Variants in KCNG4 observed in about 807,000 individuals in gnomAD.
The protein encoded by KCNG4 is potassium voltage-gated channel modifier subfamily G member 4.
KCNG4 carries 30 observed loss-of-function variants against 28.2 expected under a neutral mutation model. The ratio of observed to expected loss-of-function variants is 1.06; its 90% CI spans 0.80 to 1.44. The LOEUF is 1.44. Among genes scored for constraint, KCNG4 ranks in the 40% most tolerant of loss-of-function variants. The pLI is 0.00. For synonymous variants in KCNG4, 375 were observed against 315.5 expected (o/e 1.19, Z -2.00); for missense variants, 879 against 712.3 (o/e 1.23, Z -2.66).
chr16:84,235,104 C>A (rs1904916750), intron 2 of KCNG4, among the ~76,000 whole-genome samples: 1 of 152,198 alleles, frequency 6.6e-6, no homozygotes, highest in African/African-American at 2.4e-5. Context: ...TCTGCGGGCC[C>A]ACCTCTCCCC....
intron 2 of KCNG4, among the ~76,000 whole-genome samples, chr16:84,230,271 G>C (rs244803): frequency 6.6e-6 from 1 of 152,086 alleles, no homozygotes; most frequent in Non-Finnish European, 1.5e-5. Context: ...TGGGCATGGT[G>C]GTGGGCGCCT....
chr16:84,238,989 C>G (rs1369172319), intron 1 of KCNG4, among the ~76,000 whole-genome samples: 2 of 152,198 alleles, frequency 1.3e-5, no homozygotes, highest in East Asian at 3.8e-4. Context: ...TTTAAAAAGT[C>G]CTTTTCATAA....
intron 2 of KCNG4, among the ~76,000 whole-genome samples, chr16:84,234,659 A>T (rs966890592): frequency 5.3e-5 from 8 of 152,174 alleles, no homozygotes; most frequent in African/African-American, 1.4e-4. Context: ...TCCCCCACCC[A>T]TCGTGACATT....
At chr16:84,230,616 T>C (rs988011301) in intron 2 of KCNG4, among the ~76,000 whole-genome samples, 2 of 152,098 alleles carry the variant, frequency 1.3e-5, no homozygotes, top group African/African-American at 4.8e-5. Flanking sequence ...TTCCTTCCCC[T>C]GCCCTCCACC....
chr16:84,221,980 G>A lies in KCNG4; in HGVS notation c.*237C>T. 2 of 560,220 alleles carry A rather than the reference G, an allele frequency of 3.6e-6. No homozygotes were observed. The highest frequency in any genetic ancestry group is 3.2e-6 in the Non-Finnish European group (1 of 314,314). 34.7% of individuals were successfully genotyped at this position (560,220 alleles called of 1,614,324 possible). ...ACTCCAGCAAGATTGGACATGCTCAGTAGATGGGCAGAGAGAGGAAAAGGC... is the reference window on the plus strand; with the variant it reads ...ACTCCAGCAAGATTGGACATGCTCAATAGATGGGCAGAGAGAGGAAAAGGC... On this transcript the variant is annotated 3_prime_UTR_variant, in exon 3 of 3. Transcript: ENST00000308251.
intron 1 of KCNG4, 144 bp downstream of exon 1, chr16:84,239,526 C>G (rs944680337): frequency 3.3e-5 from 5 of 152,248 alleles, no homozygotes; most frequent in African/African-American, 1.2e-4. Flanking sequence ...CTCCAAACAG[C>G]TGGCAAACAG....
At position 84,220,138 on chromosome 16, in the gene KCNG4, T is replaced by A. The variant is rs562704707; in HGVS notation, c.*2079A>T. ...ACACTTCTATGGCTACTGTCCAAGG[T>A]GCCTGTGACATGGAATTTCTACGCA... On this transcript the variant is annotated 3_prime_UTR_variant, in exon 3 of 3. Transcript: ENST00000308251. The A allele has an allele frequency of 6.6e-6, 1 of 152,288 alleles. No individual in the cohort carries two copies. Among genetic ancestry groups the A allele is most frequent in the East Asian group, 1.9e-4 (1 of 5,184 alleles). 9.4% of individuals were successfully genotyped at this position (152,288 alleles called of 1,614,324 possible).
Position 84,221,951 on chromosome 16 carries a change from A to G in KCNG4, c.*266T>C. 1 of 498,130 alleles carries G rather than the reference A, an allele frequency of 2.0e-6. No homozygotes were observed. Among genetic ancestry groups the G allele is most frequent in the Non-Finnish European group, 3.6e-6 (1 of 279,934 alleles). The allele number at this position is 498,130 out of a possible 1,614,324, so 30.9% of individuals were successfully genotyped here. On this transcript the variant is annotated 3_prime_UTR_variant, in exon 3 of 3. Transcript: ENST00000308251. ...AGGAAAAGAGAATGAAAGGAGACTG[A>G]GCTACTCCAGCAAGATTGGACATGC...
At chr16:84,234,805 A>T (rs1904907976) in intron 2 of KCNG4, among the ~76,000 whole-genome samples, 1 of 152,204 alleles carries the variant, frequency 6.6e-6, no homozygotes, top group Non-Finnish European at 1.5e-5. Context: ...AATACAAAGC[A>T]CGTGTGTCCA....
chr16:84,237,294 G>C lies in KCNG4; in HGVS notation c.192C>G (p.Asn64Lys). 1 of 1,602,806 alleles carries C rather than the reference G, an allele frequency of 6.2e-7. No homozygotes were observed. ...PVDLKKEILI[N>K]VGGRRYLLPW... is the part of the protein sequence containing the mutation. Reference sequence around the variant, plus strand: ...GGAGGAGATACCTCCTGCCCCCCACGTTGATCAGGATCTCCTTCTTCAGGT... The same window carrying C: ...GGAGGAGATACCTCCTGCCCCCCACCTTGATCAGGATCTCCTTCTTCAGGT... Residue 64 changes from asparagine to lysine, a missense_variant, in exon 2 of 3, where the codon AAC becomes AAG. By Grantham distance (94) the Asn-to-Lys change is moderately conservative. Coordinates refer to ENST00000308251, the MANE Select transcript of KCNG4 (RefSeq NM_172347.3).
At chr16:84,223,914 C>T (rs568576323) in intron 2 of KCNG4, among the ~76,000 whole-genome samples, 14 of 152,112 alleles carry the variant, frequency 9.2e-5, no homozygotes, top group Non-Finnish European at 1.9e-4. Context: ...CCCAAGACAG[C>T]CCTTGGGATG....
chr16:84,239,638 A>G (rs1447832189), intron 1 of KCNG4, 32 bp downstream of exon 1: 1 of 152,130 alleles, frequency 6.6e-6, no homozygotes, highest in African/African-American at 2.4e-5. Context: ...CCCTACAGCA[A>G]GCAGTAACTC....
At chr16:84,225,292 T>C (rs996314288) in intron 2 of KCNG4, among the ~76,000 whole-genome samples, 1 of 152,120 alleles carries the variant, frequency 6.6e-6, no homozygotes, top group Non-Finnish European at 1.5e-5. Context: ...TCCCCAGCCC[T>C]GCTACAAACT....
chr16:84,237,723 A>T (rs1597622818), intron 1 of KCNG4, among the ~76,000 whole-genome samples, 198 bp from the exon 2 acceptor site: 1 of 152,134 alleles, frequency 6.6e-6, no homozygotes, highest in Admixed American at 6.5e-5. Context: ...AGTGAAAAAA[A>T]CCCTTCCCTG....
chr16:84,236,054 C>A (rs553618175), intron 2 of KCNG4: 1 of 152,370 alleles, frequency 6.6e-6, no homozygotes, highest in African/African-American at 2.4e-5. Context: ...GAGTGACTTA[C>A]AGATCAGCTC....
chr16:84,236,442 A>C (rs1183084623), intron 2 of KCNG4: 18 of 470,852 alleles, frequency 3.8e-5, no homozygotes, highest in Non-Finnish European at 3.7e-6. Context: ...GAGAGGTGAC[A>C]CTGTGTCTGT....
In KCNG4 at chr16:84,237,331, G is replaced by T; in HGVS notation, c.155C>A (p.Ala52Asp). The change falls in exon 2 of 3, where the codon GCC becomes GAC. Residue 52 changes from alanine to aspartate, a missense_variant. Transcript: ENST00000308251. ...CTCCTTCTTCAGGTCCACTGGGGAG[G>T]CGTCCAGGGCACCCACCTTCCGCAC... The part of the protein sequence containing the change: ...RRVRKVGALD[A>D]SPVDLKKEIL... 6.3e-7 allele frequency: 1 copy of T among 1,579,302 alleles called. No individual in the cohort carries two copies. Among genetic ancestry groups the T allele is most frequent in the East Asian group, 2.2e-5 (1 of 44,544 alleles).
rs1005961181 is a variant in KCNG4 at position 84,220,997 on chromosome 16, A to G, written c.*1220T>C. The G allele has an allele frequency of 7.2e-5, 11 of 152,108 alleles. No individual in the cohort carries two copies. Among genetic ancestry groups the G allele is most frequent in the African/African-American group, 2.7e-4 (11 of 41,372 alleles). The allele number at this position is 152,108 out of a possible 1,614,324, so 9.4% of individuals were successfully genotyped here. A position where few individuals can be genotyped will look rare whatever the true frequency, so the allele number is the denominator to read the frequency against. On this transcript the variant is annotated 3_prime_UTR_variant, in exon 3 of 3. Transcript: ENST00000308251. ...ACACCTCTACTCTCCAGCCCTGCCC[A>G]TGTCTCTGTGAGGCCTTTGGGAGCC... is the stretch of plus-strand genomic sequence containing the variant.
chr16:84,222,636 C>T lies in KCNG4; in HGVS notation c.1141G>A (p.Ala381Thr), dbSNP rs570265612. ...FGLLLLFLAVAITLFSPLVYV... is the reference protein window; with the variant it reads ...FGLLLLFLAVTITLFSPLVYV... ...ACCAAAGGGGAGAAGAGGGTGATGGCCACGGCCAGGAAGAGAAGGAGCAGG... is the reference window on the plus strand; with the variant it reads ...ACCAAAGGGGAGAAGAGGGTGATGGTCACGGCCAGGAAGAGAAGGAGCAGG... Residue 381 changes from alanine (A) to threonine (T), a missense_variant, in exon 3 of 3, where the codon GCC becomes ACC. Coordinates refer to ENST00000308251, the MANE Select transcript of KCNG4 (RefSeq NM_172347.3). 1 of 1,613,268 alleles carries T rather than the reference C, an allele frequency of 6.2e-7. No individual in the cohort carries two copies. The highest frequency in any genetic ancestry group is 8.5e-7 in the Non-Finnish European group (1 of 1,179,944).
Sources: gnomAD v4.1 joint callset for allele counts (sites outside exome capture counted in the v4.1 genomes callset) on GRCh38, gnomAD v4.1.1 for gene constraint, MANE v1.5 for transcripts, NCBI Gene and HGNC (gene_info 2026-07-23, HGNC 2026-07-21) for gene names.